LYPD6B: variants seen among roughly 807,000 people sequenced by gnomAD.
The protein encoded by LYPD6B is ly6/PLAUR domain-containing protein 6B.
A neutral mutation model predicts 22.8 loss-of-function variants in LYPD6B; 17 were observed. The observed-to-expected ratio is 0.75, with a 90% CI of 0.51 to 1.12. The LOEUF is 1.12. Among genes scored for constraint, LYPD6B ranks in the 50% most tolerant of loss-of-function variants. LYPD6B has a pLI of 0.00. For missense variants in LYPD6B, 221 were observed against 258.3 expected, an observed-to-expected ratio of 0.86 and a Z score of 0.99; for synonymous variants, 106 against 91.6, an observed-to-expected ratio of 1.16 and a Z score of -0.90.
chr2:149,187,559 C>A, intron 3 of LYPD6B: 1 of 1,441,182 alleles, frequency 6.9e-7, no homozygotes, highest in Non-Finnish European at 9.1e-7. Flanking sequence ...CGTCAATGAA[C>A]AACATGAAGC....
intron 1 of LYPD6B, among the ~76,000 whole-genome samples, chr2:149,050,822 T>C (rs767951887): frequency 5.9e-5 from 9 of 152,218 alleles, no homozygotes; most frequent in Non-Finnish European, 8.8e-5. Flanking sequence ...GTAGTGATAA[T>C]TTTATTTCAA....
intron 2 of LYPD6B, among the ~76,000 whole-genome samples, chr2:149,146,513 G>A (rs968137762): frequency 3.3e-5 from 5 of 152,310 alleles, no homozygotes; most frequent in South Asian, 2.1e-4. Context: ...GCTGGGCCAC[G>A]CCAGGCTGTG....
chr2:149,175,061 C>CTGTGTGTGTGTGTGTGTG (rs1330239336), intron 3 of LYPD6B, among the ~76,000 whole-genome samples: 27 of 113,072 alleles, frequency 2.4e-4, no homozygotes, highest in African/African-American at 8.0e-4. Flanking sequence ...CTCTCTCTCT[C>CTGTGTGTGTGTGTGTGTG]TGTGTGTGTG....
chr2:149,053,208 TAAAA>T (rs879401445), intron 1 of LYPD6B, among the ~76,000 whole-genome samples: 3 of 151,930 alleles, frequency 2.0e-5, no homozygotes, highest in Admixed American at 6.6e-5. Flanking sequence ...GATACATAGT[TAAAA>T]AAAACAAAAT....
chr2:149,080,719 G>GTA (rs1388348852), intron 1 of LYPD6B, among the ~76,000 whole-genome samples: 3 of 151,866 alleles, frequency 2.0e-5, no homozygotes, highest in African/African-American at 7.3e-5. Flanking sequence ...GCGTGCACCT[G>GTA]TAGTACCAGC....
chr2:149,178,058 T>G (rs1367907136), intron 3 of LYPD6B, among the ~76,000 whole-genome samples: 1 of 152,190 alleles, frequency 6.6e-6, no homozygotes, highest in Non-Finnish European at 1.5e-5. Context: ...AGAAGTATTT[T>G]TTTTTTCAGG....
chr2:149,145,041 T>G (rs1171875003), intron 2 of LYPD6B, among the ~76,000 whole-genome samples: 1 of 152,156 alleles, frequency 6.6e-6, no homozygotes, highest in Admixed American at 6.6e-5. Context: ...ATGTGCATAT[T>G]TTTTCTGGGA....
At chr2:149,063,331 A>G (rs1684179848) in intron 1 of LYPD6B, among the ~76,000 whole-genome samples, 1 of 152,164 alleles carries the variant, frequency 6.6e-6, no homozygotes, top group South Asian at 2.1e-4. Context: ...CCGCCCCATA[A>G]CACTATTGAA....
intron 3 of LYPD6B, among the ~76,000 whole-genome samples, chr2:149,168,804 T>C (rs1690613681): frequency 6.6e-6 from 1 of 152,224 alleles, no homozygotes; most frequent in Admixed American, 6.5e-5. Context: ...TCTTTTGCAT[T>C]AAGCCTCAGG....
chr2:149,062,869 T>C (rs1435421536), intron 1 of LYPD6B, among the ~76,000 whole-genome samples: 1 of 150,072 alleles, frequency 6.7e-6, no homozygotes, highest in Non-Finnish European at 1.5e-5. Flanking sequence ...TCTTTTTTTT[T>C]TTTTTTTTTT....
chr2:149,128,606 T>A (rs1687840973), intron 1 of LYPD6B, among the ~76,000 whole-genome samples: 2 of 152,196 alleles, frequency 1.3e-5, no homozygotes, highest in Non-Finnish European at 2.9e-5. Context: ...TTGAAAGAAA[T>A]GTGTAAGGCA....
intron 3 of LYPD6B, among the ~76,000 whole-genome samples, chr2:149,165,132 T>C (rs980796585): frequency 6.6e-6 from 1 of 152,162 alleles, no homozygotes; most frequent in Non-Finnish European, 1.5e-5. Context: ...CCACATGGTC[T>C]GCCCCTCCAA....
intron 2 of LYPD6B, chr2:149,142,268 A>G (rs781316825): frequency 2.6e-5 from 4 of 152,166 alleles, no homozygotes; most frequent in Non-Finnish European, 5.9e-5. Context: ...GACAATCTGG[A>G]CAAATGTGTA....
rs201618713 is a variant in LYPD6B, at chr2:149,143,513, CAA to C, written c.5+12579_5+12580del. On this transcript the variant is annotated intron_variant, in intron 2 of 6. Transcript: ENST00000409642. The stretch of plus-strand genomic sequence containing the variant: ...TGTTCTAACATTGCAACATGTGACG[CAA>C]AAAAAAAAAAAAAAAAAATCACACC... 1.5e-3 allele frequency among the ~76,000 whole-genome samples: 189 copies of C among 129,756 alleles called. 2 individuals are homozygous for C. The highest frequency in any genetic ancestry group is 3.2e-3 in the East Asian group (14 of 4,344). The allele number at this position is 129,756 out of a possible 152,430, so 85.1% of individuals were successfully genotyped here.
chr2:149,095,504 T>C (rs923667222), intron 1 of LYPD6B, among the ~76,000 whole-genome samples: 1 of 152,194 alleles, frequency 6.6e-6, no homozygotes, highest in Non-Finnish European at 1.5e-5. Context: ...GAAATTTGTA[T>C]GCACTTAGAT....
chr2:149,141,688 T>C (rs1036243494), intron 2 of LYPD6B, among the ~76,000 whole-genome samples: 2 of 152,224 alleles, frequency 1.3e-5, no homozygotes, highest in Non-Finnish European at 2.9e-5. Flanking sequence ...CTGTACCTAA[T>C]TGGAAGCTGT....
intron 2 of LYPD6B, among the ~76,000 whole-genome samples, chr2:149,154,790 T>A (rs540839662): frequency 6.6e-6 from 1 of 152,236 alleles, no homozygotes; most frequent in African/African-American, 2.4e-5. Flanking sequence ...CAAGAAGCAA[T>A]CAGTAATTGA....
intron 3 of LYPD6B, among the ~76,000 whole-genome samples, chr2:149,201,308 C>G (rs1311178541): frequency 1.3e-5 from 2 of 152,154 alleles, no homozygotes; most frequent in East Asian, 1.9e-4. Flanking sequence ...TAACACTGCT[C>G]TATGTGATGG....
intron 3 of LYPD6B, among the ~76,000 whole-genome samples, chr2:149,163,343 T>C (rs1690206193): frequency 6.6e-6 from 1 of 152,160 alleles, no homozygotes; most frequent in Non-Finnish European, 1.5e-5. Context: ...CTTACTTTTA[T>C]ATAATTCTTG....
Sources: allele counts gnomAD v4.1 joint callset (sites outside exome capture counted in the v4.1 genomes callset), GRCh38; gene constraint gnomAD v4.1.1; transcripts MANE v1.5; gene names NCBI Gene and HGNC (gene_info 2026-07-23, HGNC 2026-07-21).